EYS: variants seen among roughly 807,000 people sequenced by gnomAD.
EYS encodes EGF-like photoreceptor maintenance factor, also known as protein eyes shut homolog.
A neutral mutation model predicts 282.1 loss-of-function variants in EYS; 250 were observed. The ratio of observed to expected loss-of-function variants is 0.89; its 90% CI spans 0.80 to 0.98. The LOEUF (loss-of-function observed/expected upper bound fraction) is 0.98, where lower values mean the gene tolerates loss of function less well. Among genes scored for constraint, EYS ranks in the 50% least tolerant of loss-of-function variants. The pLI is 0.00. For missense variants in EYS, 4,016 were observed against 3,709.0 expected (o/e 1.08, Z -2.15); for synonymous variants, 1,355 against 1,282.9 (o/e 1.06, Z -1.20).
At chr6:65,182,663 T>A (rs576951045) in intron 12 of EYS, among the ~76,000 whole-genome samples, 2 of 152,082 alleles carry the variant, frequency 1.3e-5, no homozygotes, top group East Asian at 3.9e-4. Context: ...TTAATTGGTT[T>A]TTTTTGTAGT....
chr6:65,159,232 C>G (rs1411451860), intron 12 of EYS, among the ~76,000 whole-genome samples: 1 of 150,852 alleles, frequency 6.6e-6, no homozygotes, highest in Non-Finnish European at 1.5e-5. Flanking sequence ...TTATAGATAG[C>G]TTGTATAGCC....
At chr6:65,330,368 G>C (rs1769750968) in intron 11 of EYS, 1 of 984,322 alleles carries the variant, frequency 1.0e-6, no homozygotes, top group African/African-American at 1.7e-5. Context: ...TCAAAAACAG[G>C]TGGGAGTCAT....
At chr6:64,265,979 T>A (rs1271232259) in intron 30 of EYS, among the ~76,000 whole-genome samples, 3 of 152,120 alleles carry the variant, frequency 2.0e-5, no homozygotes, top group Non-Finnish European at 4.4e-5. Flanking sequence ...AGAGTGGCAA[T>A]ACTTTTCAGA....
chr6:65,499,214 C>T (rs1005584488), intron 2 of EYS, among the ~76,000 whole-genome samples: 2 of 151,892 alleles, frequency 1.3e-5, no homozygotes, highest in South Asian at 2.1e-4. Flanking sequence ...TCTTCTTTCA[C>T]AAACAGCTGT....
intron 1 of EYS, among the ~76,000 whole-genome samples, chr6:65,643,870 T>C (rs1190887699): frequency 6.6e-6 from 1 of 151,538 alleles, no homozygotes. Context: ...GGGGAGGGGG[T>C]ACAAGAATAC....
At chr6:65,010,320 A>G (rs1402772047) in intron 13 of EYS, among the ~76,000 whole-genome samples, 2 of 152,224 alleles carry the variant, frequency 1.3e-5, no homozygotes, top group Non-Finnish European at 2.9e-5. Flanking sequence ...GTGGACATCC[A>G]TGATGTGAAT....
intron 34 of EYS, among the ~76,000 whole-genome samples, chr6:63,997,081 C>T (rs1204146700): frequency 2.0e-5 from 3 of 152,098 alleles, no homozygotes; most frequent in East Asian, 1.9e-4. Flanking sequence ...AGTGCTAGAA[C>T]CTATTTTGAT....
intron 34 of EYS, among the ~76,000 whole-genome samples, chr6:63,995,859 A>G (rs1333990921): frequency 1.3e-5 from 2 of 151,930 alleles, no homozygotes; most frequent in East Asian, 3.9e-4. Flanking sequence ...CAATCTGATA[A>G]GAGGAATAAA....
intron 11 of EYS, among the ~76,000 whole-genome samples, chr6:65,318,187 T>C (rs1769367401): frequency 6.6e-6 from 1 of 151,254 alleles, no homozygotes; most frequent in Non-Finnish European, 1.5e-5. Flanking sequence ...TTTTTTTTTT[T>C]ACCGTGCAGT....
chr6:64,564,960 C>T (rs1765518740), intron 26 of EYS, among the ~76,000 whole-genome samples: 1 of 152,048 alleles, frequency 6.6e-6, no homozygotes, highest in Admixed American at 6.6e-5. Flanking sequence ...ACACCTGTTG[C>T]CATTTGTGTG....
chr6:65,154,530 A>T (rs998799420), intron 12 of EYS, among the ~76,000 whole-genome samples: 1 of 151,694 alleles, frequency 6.6e-6, no homozygotes, highest in Admixed American at 6.6e-5. Flanking sequence ...TTTTATAATT[A>T]TATGTTTAAT....
intron 5 of EYS, among the ~76,000 whole-genome samples, chr6:65,424,964 G>A (rs1362706021): frequency 6.6e-6 from 1 of 151,844 alleles, no homozygotes; most frequent in Non-Finnish European, 1.5e-5. Context: ...TTTCTTGTTT[G>A]GTGTCTCTGT....
intron 26 of EYS, among the ~76,000 whole-genome samples, chr6:64,543,228 C>T (rs577167126): frequency 4.1e-4 from 62 of 152,114 alleles, no homozygotes; most frequent in African/African-American, 1.4e-3. Context: ...TTGTATTCCC[C>T]TTTGACTGCT....
chr6:65,078,443 A>G (rs1185672561), intron 12 of EYS, among the ~76,000 whole-genome samples: 1 of 152,102 alleles, frequency 6.6e-6, no homozygotes, highest in Non-Finnish European at 1.5e-5. Context: ...CAAGATTGCC[A>G]AGAAGAAAAA....
chr6:63,940,629 A>G lies in EYS; in HGVS notation c.7055+43754T>C, dbSNP rs376295756. Reference sequence around the variant, plus strand: ...TTCTTCTGATGAGTTCGCAGATGCCATTAAGAAAATCATTGAGGAGAAAGG... The same window carrying G: ...TTCTTCTGATGAGTTCGCAGATGCCGTTAAGAAAATCATTGAGGAGAAAGG... On this transcript the variant is annotated intron_variant, in intron 35 of 42. Coordinates refer to ENST00000503581, the MANE Select transcript of EYS (RefSeq NM_001142800.2). Among the ~76,000 whole-genome samples the G allele has an allele frequency of 7.4e-4, 113 of 152,200 alleles. 1 individual carries two copies. Among genetic ancestry groups the G allele is most frequent in the African/African-American group, 2.6e-3 (106 of 41,510 alleles).
At chr6:65,231,463 C>G (rs1228322793) in intron 12 of EYS, among the ~76,000 whole-genome samples, 1 of 151,428 alleles carries the variant, frequency 6.6e-6, no homozygotes, top group African/African-American at 2.4e-5. Flanking sequence ...TGGGGAGAGA[C>G]TCTTTACCTA....
At chr6:63,915,737 G>T (rs1441350792) in intron 35 of EYS, among the ~76,000 whole-genome samples, 1 of 152,206 alleles carries the variant, frequency 6.6e-6, no homozygotes. Context: ...ACTCATGGAT[G>T]ACTTTGAGGG....
chr6:64,703,821 G>A (rs1205445225), intron 22 of EYS, among the ~76,000 whole-genome samples: 1 of 152,158 alleles, frequency 6.6e-6, no homozygotes, highest in Non-Finnish European at 1.5e-5. Context: ...GTATGTATAT[G>A]TGGATAACTA....
chr6:64,340,704 C>A lies in EYS; in HGVS notation c.6079-33622G>T, dbSNP rs184368281. On this transcript the variant is annotated intron_variant, in intron 29 of 42. Transcript: ENST00000503581. ...TCCCCAAAAGCAATTGCAACAAAAC[C>A]AAAAACTGATAAGTGAGGCCTAATT... Among the ~76,000 whole-genome samples, 158 of 151,758 alleles carry A rather than the reference C, an allele frequency of 1.0e-3. 3 individuals are homozygous for A. Among genetic ancestry groups the A allele is most frequent in the Non-Finnish European group, 3.2e-4 (22 of 67,818 alleles).
Sources: allele counts gnomAD v4.1 joint callset (sites outside exome capture counted in the v4.1 genomes callset), GRCh38; gene constraint gnomAD v4.1.1; transcripts MANE v1.5; gene names NCBI Gene and HGNC (gene_info 2026-07-23, HGNC 2026-07-21).